The following KCNN2 variants were observed in gnomAD, a reference collection of about 807,000 sequenced individuals.
KCNN2 encodes the protein potassium calcium-activated channel subfamily N member 2.
KCNN2 carries 24 observed loss-of-function variants against 55.5 expected under a neutral mutation model. The observed-to-expected ratio is 0.43, with a 90% CI of 0.31 to 0.61. The LOEUF is 0.61. KCNN2 is among the 20% of genes least tolerant of loss of function. The pLI is 0.08. For missense variants in KCNN2, 754 were observed against 853.6 expected (o/e 0.88, Z 1.45); for synonymous variants, 431 against 336.1 (o/e 1.28, Z -3.09).
In KCNN2 at chr5:114,400,151, A is replaced by G. The variant is rs920539310; in HGVS notation, c.1219-4287A>G. On this transcript the variant is annotated intron_variant, in intron 2 of 7. Coordinates refer to ENST00000673685, the MANE Select transcript of KCNN2 (RefSeq NM_021614.4). ...GGATTTTGGTTATTTCTTGTCTTCT[A>G]TTAGCTTTTGGGTTGGTTTGCTCTT... Among the ~76,000 whole-genome samples, 4 of 151,796 alleles carry G rather than the reference A, an allele frequency of 2.6e-5. 1 individual carries two copies. The highest frequency in any genetic ancestry group is 3.9e-4 in the East Asian group (2 of 5,166).
In KCNN2 at chr5:114,362,989, G is replaced by C. The variant is rs1451149026; in HGVS notation, c.850G>C (p.Glu284Gln). Reference sequence around the variant, plus strand: ...CCCCGAGATCGTGGTGTCTAAGCCCGAGCACAACAACTCCAACAACCTGGC... The same window carrying C: ...CCCCGAGATCGTGGTGTCTAAGCCCCAGCACAACAACTCCAACAACCTGGC... ...SAPEIVVSKPEHNNSNNLALY... is the reference protein window; with the variant it reads ...SAPEIVVSKPQHNNSNNLALY... The change falls in exon 1 of 8, where the codon GAG (glutamate) becomes CAG (glutamine). Residue 284 changes from glutamate to glutamine, a missense_variant. By Grantham distance (29) the Glu-to-Gln change is conservative. This residue lies in a region of KCNN2 where 381 missense variants were observed against 259.1 expected (regional missense o/e 1.47). Coordinates refer to ENST00000673685, the MANE Select transcript of KCNN2 (RefSeq NM_021614.4). 6.3e-7 allele frequency: 1 copy of C among 1,592,588 alleles called. No homozygotes were observed. The highest frequency in any genetic ancestry group is 1.7e-5 in the Admixed American group (1 of 58,092).
At chr5:114,493,656 C>A (rs1747970887) in intron 7 of KCNN2, among the ~76,000 whole-genome samples, 184 bp downstream of exon 7, 2 of 152,166 alleles carry the variant, frequency 1.3e-5, no homozygotes, top group South Asian at 4.1e-4. Flanking sequence ...TTAATGTACT[C>A]TTTCCCTATT....
intron 1 of KCNN2, among the ~76,000 whole-genome samples, chr5:114,192,849 C>A (rs1440198681): frequency 6.6e-6 from 1 of 152,046 alleles, no homozygotes; most frequent in Non-Finnish European, 1.5e-5. Flanking sequence ...GTGGGCTGTT[C>A]TACTCTTTGC....
chr5:114,237,256 T>TCACA (rs10643853), intron 2 of KCNN2, among the ~76,000 whole-genome samples: 9,583 of 138,460 alleles, frequency 0.069, 354 homozygotes, highest in South Asian at 0.085. Flanking sequence ...TTGTCAAAAT[T>TCACA]CACACACACA....
intron 1 of KCNN2, among the ~76,000 whole-genome samples, chr5:114,070,521 A>G (rs553083662): frequency 6.6e-6 from 1 of 152,304 alleles, no homozygotes; most frequent in East Asian, 1.9e-4. Context: ...GAGACTAGTT[A>G]GCTGTCAGGC....
At chr5:114,060,921 T>G (rs1347631066) in intron 1 of KCNN2, among the ~76,000 whole-genome samples, 1 of 152,244 alleles carries the variant, frequency 6.6e-6, no homozygotes, top group Non-Finnish European at 1.5e-5. Flanking sequence ...CCTTACTCAG[T>G]AGGGCCAGTG....
At chr5:114,292,161 A>G (rs1369267992) in intron 2 of KCNN2, among the ~76,000 whole-genome samples, 1 of 152,172 alleles carries the variant, frequency 6.6e-6, no homozygotes, top group African/African-American at 2.4e-5. Context: ...CTCTGATGGC[A>G]GTTTCTTTTG....
chr5:114,139,181 TCTTA>T (rs1287413282), intron 1 of KCNN2, among the ~76,000 whole-genome samples: 11 of 152,190 alleles, frequency 7.2e-5, no homozygotes, highest in African/African-American at 2.7e-4. Flanking sequence ...GAGTTTTCTG[TCTTA>T]CTTGGCTAGA....
At chr5:114,117,133 T>A (rs555333861) in intron 1 of KCNN2, among the ~76,000 whole-genome samples, 1 of 152,176 alleles carries the variant, frequency 6.6e-6, no homozygotes, top group Non-Finnish European at 1.5e-5. Flanking sequence ...ACATGAGAGA[T>A]CAAGACATGA....
chr5:114,071,745 C>T (rs1750573214), intron 1 of KCNN2, among the ~76,000 whole-genome samples: 1 of 152,152 alleles, frequency 6.6e-6, no homozygotes, highest in Admixed American at 6.5e-5. Flanking sequence ...TTTTTCATTA[C>T]AGTATCTTTT....
chr5:114,192,896 C>G (rs1753479597), intron 1 of KCNN2, among the ~76,000 whole-genome samples: 2 of 152,068 alleles, frequency 1.3e-5, no homozygotes, highest in Non-Finnish European at 2.9e-5. Flanking sequence ...GTCTCAATCC[C>G]CATTTCTTAG....
rs114400162 is a variant in KCNN2, at chr5:114,373,450, G to A, written c.1218+9449G>A. Among the ~76,000 whole-genome samples the A allele has an allele frequency of 1.6e-3, 240 of 150,962 alleles. 1 individual carries two copies. Among genetic ancestry groups the A allele is most frequent in the African/African-American group, 5.3e-3 (219 of 41,288 alleles). ...TCTCTAAACTTTCCTGCTGAGCAGA[G>A]CAATAGGACTCTCCTTTGTGTTGAC... On this transcript the variant is annotated intron_variant, in intron 2 of 7. Coordinates refer to ENST00000673685, the MANE Select transcript of KCNN2 (RefSeq NM_021614.4).
chr5:114,079,304 A>G (rs548587911), intron 1 of KCNN2, among the ~76,000 whole-genome samples: 28 of 152,354 alleles, frequency 1.8e-4, no homozygotes, highest in African/African-American at 6.3e-4. Flanking sequence ...TCATTCAAAA[A>G]CATAAGCAGG....
intron 2 of KCNN2, among the ~76,000 whole-genome samples, chr5:114,247,661 G>A (rs940601944): frequency 6.6e-6 from 1 of 152,148 alleles, no homozygotes; most frequent in Non-Finnish European, 1.5e-5. Flanking sequence ...GCATGCTCAC[G>A]TACCCCGTTC....
chr5:114,138,608 A>T (rs998097130), intron 1 of KCNN2, among the ~76,000 whole-genome samples: 3 of 152,168 alleles, frequency 2.0e-5, no homozygotes, highest in African/African-American at 7.2e-5. Context: ...ATATCCAATA[A>T]CACTGTTATT....
rs558318645 is a variant in KCNN2 at position 114,273,853 on chromosome 5, T to C, written c.-185+52288T>C. Among the ~76,000 whole-genome samples the C allele has an allele frequency of 3.9e-3, 601 of 152,372 alleles. 4 individuals are homozygous for C. The highest frequency in any genetic ancestry group is 6.8e-3 in the Middle Eastern group (2 of 294). ...GCTGTGCAGAAGCTCTTTAGATTAATTAGATCCCATTTGTCAATTTTGGCT... is the reference window on the plus strand; with the variant it reads ...GCTGTGCAGAAGCTCTTTAGATTAACTAGATCCCATTTGTCAATTTTGGCT... On this transcript the variant is annotated intron_variant, in intron 2 of 10. Transcript: ENST00000512097.
chr5:114,084,005 C>T (rs1750959505), intron 1 of KCNN2, among the ~76,000 whole-genome samples: 1 of 152,030 alleles, frequency 6.6e-6, no homozygotes, highest in African/African-American at 2.4e-5. Flanking sequence ...TTCATGGCTC[C>T]ATAGCTCACT....
At chr5:114,075,628 T>C (rs1750670258) in intron 1 of KCNN2, among the ~76,000 whole-genome samples, 1 of 152,240 alleles carries the variant, frequency 6.6e-6, no homozygotes, top group South Asian at 2.1e-4. Flanking sequence ...CTTCCATTTG[T>C]ATACTCACAA....
chr5:114,258,538 G>A lies in KCNN2; in HGVS notation c.-185+36973G>A, dbSNP rs922008097. On this transcript the variant is annotated intron_variant, in intron 2 of 10. Transcript: ENST00000512097. Reference sequence around the variant, plus strand: ...CTCACTACTCATTGTTGGTTTGCTCGAGATTTCTATTTCTTCCTGGTTCAA... The same window carrying A: ...CTCACTACTCATTGTTGGTTTGCTCAAGATTTCTATTTCTTCCTGGTTCAA... Among the ~76,000 whole-genome samples, 4 of 151,974 alleles carry A rather than the reference G, an allele frequency of 2.6e-5. No individual in the cohort carries two copies. In the East Asian group the frequency reaches 5.8e-4, roughly 22 times the overall value.
Sources: allele counts gnomAD v4.1 joint callset (sites outside exome capture counted in the v4.1 genomes callset), GRCh38; gene constraint gnomAD v4.1.1; regional missense constraint gnomAD v4.1.1; transcripts MANE v1.5; gene names NCBI Gene and HGNC (gene_info 2026-07-23, HGNC 2026-07-21).